HS6ST3: variants seen among roughly 807,000 people sequenced by gnomAD.
The protein encoded by HS6ST3 is heparan sulfate 6-O-sulfotransferase 3, also known as heparan-sulfate 6-O-sulfotransferase 3.
A neutral mutation model predicts 36.7 loss-of-function variants in HS6ST3; 12 were observed. The ratio of observed to expected loss-of-function variants is 0.33; its 90% confidence interval spans 0.21 to 0.53. The LOEUF is 0.53. HS6ST3 is among the 20% of genes least tolerant of loss of function. The probability of loss-of-function intolerance (pLI) is 0.95; values close to 1 mark genes in which losing one functional copy is unlikely to be tolerated. For missense variants in HS6ST3, 584 were observed against 640.9 expected, an observed-to-expected ratio of 0.91 and a Z score of 0.96; for synonymous variants, 240 against 257.5, an observed-to-expected ratio of 0.93 and a Z score of 0.65.
intron 1 of HS6ST3, among the ~76,000 whole-genome samples, chr13:96,194,164 T>A (rs931160708): frequency 6.6e-6 from 1 of 152,180 alleles, no homozygotes; most frequent in Non-Finnish European, 1.5e-5. Context: ...GCAGCTGTTT[T>A]TCTGGCATCC....
chr13:96,318,341 G>A (rs2139413342), intron 1 of HS6ST3, among the ~76,000 whole-genome samples: 1 of 152,094 alleles, frequency 6.6e-6, no homozygotes, highest in Non-Finnish European at 1.5e-5. Flanking sequence ...AGACCAGGCT[G>A]GCCAACATGG....
At chr13:96,350,955 A>G (rs2055178762) in intron 1 of HS6ST3, among the ~76,000 whole-genome samples, 1 of 152,166 alleles carries the variant, frequency 6.6e-6, no homozygotes, top group African/African-American at 2.4e-5. Context: ...ATTTCTTTTG[A>G]AAGTTATTAA....
chr13:96,588,612 T>C (rs1280345679), intron 1 of HS6ST3, among the ~76,000 whole-genome samples: 3 of 152,246 alleles, frequency 2.0e-5, no homozygotes, highest in Non-Finnish European at 2.9e-5. Flanking sequence ...TCTTTTGTAA[T>C]AATGCTGTTG....
At chr13:96,580,341 T>A (rs2056337399) in intron 1 of HS6ST3, among the ~76,000 whole-genome samples, 1 of 151,458 alleles carries the variant, frequency 6.6e-6, no homozygotes, top group South Asian at 2.1e-4. Context: ...TAAACAACTC[T>A]GTAATGGAAG....
At chr13:96,168,540 T>C (rs1219461177) in intron 1 of HS6ST3, among the ~76,000 whole-genome samples, 1 of 151,860 alleles carries the variant, frequency 6.6e-6, no homozygotes, top group Non-Finnish European at 1.5e-5. Flanking sequence ...ACCTCGTCTC[T>C]ACAAAAAATT....
intron 1 of HS6ST3, among the ~76,000 whole-genome samples, chr13:96,408,238 T>A (rs1293900488): frequency 6.6e-6 from 1 of 152,084 alleles, no homozygotes; most frequent in Non-Finnish European, 1.5e-5. Context: ...ATGCCTAGCC[T>A]GCATTATTTT....
chr13:96,311,421 T>C (rs1233998633), intron 1 of HS6ST3, among the ~76,000 whole-genome samples: 1 of 152,062 alleles, frequency 6.6e-6, no homozygotes, highest in Non-Finnish European at 1.5e-5. Context: ...TTGTGGGGGC[T>C]GGTGGGCGCT....
rs577463994 is a variant in HS6ST3 at position 96,290,815 on chromosome 13, G to T, written c.707+199246G>T. 2.0e-5 allele frequency among the ~76,000 whole-genome samples: 3 copies of T among 152,322 alleles called. No individual in the cohort carries two copies. In the East Asian group the frequency reaches 5.8e-4, roughly 29 times the overall value. On this transcript the variant is annotated intron_variant, in intron 1 of 1. Coordinates refer to ENST00000376705, the MANE Select transcript of HS6ST3 (RefSeq NM_153456.4). ...CTGTAAAGGTCCACCTGATGCAGCT[G>T]GTTGTCACCTCTCTGATTTCGTCTG...
intron 1 of HS6ST3, among the ~76,000 whole-genome samples, chr13:96,221,812 T>G (rs2054457020): frequency 1.3e-5 from 2 of 152,230 alleles, no homozygotes; most frequent in South Asian, 4.1e-4. Flanking sequence ...AGATCCTATG[T>G]ACTGGAGTAC....
intron 1 of HS6ST3, among the ~76,000 whole-genome samples, chr13:96,723,964 A>G (rs561273140): frequency 1.7e-4 from 26 of 151,874 alleles, no homozygotes; most frequent in African/African-American, 6.0e-4. Flanking sequence ...TCTTCATCCT[A>G]TCTTTTCTTT....
intron 1 of HS6ST3, among the ~76,000 whole-genome samples, chr13:96,298,972 G>T (rs2054868605): frequency 6.6e-6 from 1 of 152,108 alleles, no homozygotes; most frequent in African/African-American, 2.4e-5. Flanking sequence ...ATGTATTTTG[G>T]AATATTTAAC....
chr13:96,663,070 G>C (rs1404617029), intron 1 of HS6ST3, among the ~76,000 whole-genome samples: 3 of 152,134 alleles, frequency 2.0e-5, no homozygotes, highest in Admixed American at 2.0e-4. Flanking sequence ...CTGGACCGCT[G>C]TGCTCACCCA....
rs533383901 is a variant in HS6ST3 at position 96,123,216 on chromosome 13, C to T, written c.707+31647C>T. ...ATTCCCTATGAATTTTGCCTCTTCT[C>T]TTAAGCTGTTAACTTATTACCAATG... On this transcript the variant is annotated intron_variant, in intron 1 of 1. Coordinates refer to ENST00000376705, the MANE Select transcript of HS6ST3 (RefSeq NM_153456.4). Among the ~76,000 whole-genome samples, 8 of 152,318 alleles carry T rather than the reference C, an allele frequency of 5.3e-5. No homozygotes were observed. The East Asian group carries it at 1.4e-3, about 26-fold the overall frequency.
At chr13:96,720,013 T>A (rs2138467961) in intron 1 of HS6ST3, among the ~76,000 whole-genome samples, 1 of 152,244 alleles carries the variant, frequency 6.6e-6, no homozygotes, top group East Asian at 1.9e-4. Context: ...GCAGGGTGCA[T>A]ATATCATGGG....
intron 1 of HS6ST3, among the ~76,000 whole-genome samples, chr13:96,105,489 A>G (rs1382550808): frequency 1.3e-5 from 2 of 152,030 alleles, no homozygotes; most frequent in East Asian, 3.9e-4. Flanking sequence ...TGTCTCTACT[A>G]AAAATACAAA....
intron 1 of HS6ST3, among the ~76,000 whole-genome samples, chr13:96,721,933 T>C (rs1875859328): frequency 6.6e-6 from 1 of 152,128 alleles, no homozygotes; most frequent in African/African-American, 2.4e-5. Context: ...TTTTCAGAGA[T>C]TGGGGATTTA....
chr13:96,173,372 A>C (rs940857599), intron 1 of HS6ST3, among the ~76,000 whole-genome samples: 1 of 152,256 alleles, frequency 6.6e-6, no homozygotes, highest in Non-Finnish European at 1.5e-5. Flanking sequence ...GTCTTGAACT[A>C]ATTCAAGGAT....
At chr13:96,387,116 A>G (rs1420426077) in intron 1 of HS6ST3, among the ~76,000 whole-genome samples, 1 of 152,112 alleles carries the variant, frequency 6.6e-6, no homozygotes, top group African/African-American at 2.4e-5. Flanking sequence ...AAATGAAGGT[A>G]ATTGTTGACA....
intron 1 of HS6ST3, among the ~76,000 whole-genome samples, chr13:96,112,504 G>A (rs1363942974): frequency 1.4e-5 from 2 of 146,292 alleles, no homozygotes; most frequent in Non-Finnish European, 1.5e-5. Flanking sequence ...AGACTGAGGC[G>A]GGTGGAATGC....
Sources: gnomAD v4.1 joint callset for allele counts (sites outside exome capture counted in the v4.1 genomes callset) on GRCh38, gnomAD v4.1.1 for gene constraint, MANE v1.5 for transcripts, NCBI Gene and HGNC (gene_info 2026-07-23, HGNC 2026-07-21) for gene names.